The following USH2A variants were observed in gnomAD, a reference collection of about 807,000 sequenced individuals.
USH2A encodes the protein Usher syndrome 2A (autosomal recessive, mild).
In USH2A, 443 loss-of-function variants were observed where a neutral mutation model predicts 538.9. That is an observed-to-expected ratio of 0.82 (90% CI 0.76 to 0.89). USH2A has a LOEUF of 0.89. Among genes scored for constraint, USH2A ranks in the 40% least tolerant of loss-of-function variants. USH2A has a pLI of 0.00. For synonymous variants in USH2A, 2,413 were observed against 2,273.5 expected, an observed-to-expected ratio of 1.06 and a Z score of -1.75; for missense variants, 6,633 against 6,324.8, an observed-to-expected ratio of 1.05 and a Z score of -1.65.
intron 5 of USH2A, among the ~76,000 whole-genome samples, 193 bp from the exon 6 acceptor site, chr1:216,325,792 T>A (rs145864997): frequency 2.8e-4 from 42 of 152,304 alleles, no homozygotes; most frequent in African/African-American, 7.9e-4. Context: ...ATAAAATGTA[T>A]ATCAAAACCC....
At chr1:216,001,956 A>AATCC (rs1668273937) in intron 32 of USH2A, among the ~76,000 whole-genome samples, 4 of 152,206 alleles carry the variant, frequency 2.6e-5, no homozygotes, top group Admixed American at 2.6e-4. Flanking sequence ...ATCCTACAGG[A>AATCC]ATCCAATGGT....
intron 35 of USH2A, among the ~76,000 whole-genome samples, chr1:215,972,600 C>T (rs1046128283): frequency 6.6e-6 from 1 of 152,114 alleles, no homozygotes; most frequent in African/African-American, 2.4e-5. Flanking sequence ...TAGGACAATA[C>T]ATTCATTTAG....
chr1:215,805,984 C>CAAAAA, intron 49 of USH2A, among the ~76,000 whole-genome samples: 1 of 93,504 alleles, frequency 1.1e-5, no homozygotes, highest in Non-Finnish European at 2.5e-5. Context: ...AAGACACAAT[C>CAAAAA]AAAAAAAAAA....
At chr1:215,691,177 C>T (rs1658594288) in intron 61 of USH2A, among the ~76,000 whole-genome samples, 1 of 151,562 alleles carries the variant, frequency 6.6e-6, no homozygotes, top group South Asian at 2.1e-4. Context: ...CCACCGTGCC[C>T]AGCCAGTTAG....
chr1:215,674,725 T>C lies in USH2A; in HGVS notation c.13186A>G (p.Lys4396Glu). Reference protein sequence around the residue: ...ITKYLVRYDNKESLAGQGLCL... With the variant: ...ITKYLVRYDNEESLAGQGLCL... ...AGGCCCTGGCCAGCAAGGGACTCTTTATTATCATATCTAACTAAATATTTA... is the reference window on the plus strand; with the variant it reads ...AGGCCCTGGCCAGCAAGGGACTCTTCATTATCATATCTAACTAAATATTTA... Residue 4396 changes from lysine to glutamate, a missense_variant, in exon 63 of 72, where the codon AAA becomes GAA. Physicochemically the swap from Lys to Glu is moderately conservative, Grantham distance 56. Coordinates refer to ENST00000307340, the MANE Select transcript of USH2A (RefSeq NM_206933.4). 1.2e-6 allele frequency: 2 copies of C among 1,614,106 alleles called. No homozygotes were observed. The highest frequency in any genetic ancestry group is 1.7e-6 in the Non-Finnish European group (2 of 1,180,030).
chr1:216,012,856 C>A (rs1278102954), intron 32 of USH2A, among the ~76,000 whole-genome samples: 1 of 152,140 alleles, frequency 6.6e-6, no homozygotes, highest in African/African-American at 2.4e-5. Context: ...TCATTCCAGA[C>A]ACCAGACCAA....
At position 215,701,537 on chromosome 1, in the gene USH2A, T is replaced by C. The variant is rs1382675523; in HGVS notation, c.12067-21161A>G. On this transcript the variant is annotated intron_variant, in intron 61 of 71. Coordinates refer to ENST00000307340, the MANE Select transcript of USH2A (RefSeq NM_206933.4). ...TGCATATAGATTTAGGATAGTTAGCTCTTCTTGTTCCATTGATCCCTTTAC... is the reference window on the plus strand; with the variant it reads ...TGCATATAGATTTAGGATAGTTAGCCCTTCTTGTTCCATTGATCCCTTTAC... Among the ~76,000 whole-genome samples the C allele has an allele frequency of 3.3e-5, 5 of 152,348 alleles. No homozygotes were observed. The East Asian group carries it at 9.6e-4, about 29-fold the overall frequency.
chr1:215,782,003 T>C (rs528499412), intron 54 of USH2A, 39 bp downstream of exon 54: 4 of 1,613,224 alleles, frequency 2.5e-6, no homozygotes, highest in South Asian at 2.2e-5. Flanking sequence ...ATCTTCACAC[T>C]GAACCCCTTT....
chr1:215,629,216 C>T (rs982212306), intron 70 of USH2A, among the ~76,000 whole-genome samples, 181 bp from the exon 71 acceptor site: 20 of 152,168 alleles, frequency 1.3e-4, no homozygotes, highest in African/African-American at 4.6e-4. Context: ...ACCCACAACA[C>T]GGTGACCCTG....
Position 216,354,607 on chromosome 1 carries a change from A to G in USH2A, c.784+10346T>C, listed in dbSNP as rs185021015. ...AATTTAGAAATCAACAGTTTGCTAG[A>G]TGGGCTTAGCAGCAGCCTAGACACA... is the stretch of plus-strand genomic sequence containing the variant. On this transcript the variant is annotated intron_variant, in intron 4 of 71. Transcript: ENST00000307340. 3.5e-3 allele frequency among the ~76,000 whole-genome samples: 540 copies of G among 152,296 alleles called. 3 individuals are homozygous for G. Among genetic ancestry groups the G allele is most frequent in the African/African-American group, 0.012 (512 of 41,564 alleles).
chr1:215,849,617 A>G (rs1663965256), intron 44 of USH2A, among the ~76,000 whole-genome samples: 1 of 152,186 alleles, frequency 6.6e-6, no homozygotes, highest in Admixed American at 6.6e-5. Flanking sequence ...TATGTCTACA[A>G]ACTGAATAGA....
At chr1:216,075,805 A>G (rs1252993545) in intron 27 of USH2A, among the ~76,000 whole-genome samples, 2 of 152,136 alleles carry the variant, frequency 1.3e-5, no homozygotes, top group East Asian at 3.9e-4. Flanking sequence ...CAAAACAAGA[A>G]AGAAAATTAG....
intron 4 of USH2A, among the ~76,000 whole-genome samples, chr1:216,353,634 G>T (rs2038328359): frequency 6.6e-6 from 1 of 152,096 alleles, no homozygotes; most frequent in African/African-American, 2.4e-5. Flanking sequence ...TCAGTGACCA[G>T]CCATAGCTGA....
intron 21 of USH2A, among the ~76,000 whole-genome samples, chr1:216,135,464 C>T (rs554649170): frequency 1.4e-4 from 21 of 152,176 alleles, no homozygotes; most frequent in African/African-American, 5.1e-4. Context: ...TATTCAATTT[C>T]ACTCTTATAG....
chr1:215,746,181 G>GGTA (rs1660464334), intron 58 of USH2A, among the ~76,000 whole-genome samples: 1 of 152,010 alleles, frequency 6.6e-6, no homozygotes, highest in Non-Finnish European at 1.5e-5. Context: ...TTTCTTTATG[G>GGTA]GTACTCTGGA....
At chr1:215,716,141 G>A (rs1052272078) in intron 61 of USH2A, among the ~76,000 whole-genome samples, 4 of 149,542 alleles carry the variant, frequency 2.7e-5, no homozygotes, top group African/African-American at 9.9e-5. Context: ...GTATTAATAC[G>A]TCTCCCTTTG....
intron 13 of USH2A, among the ~76,000 whole-genome samples, chr1:216,242,511 C>T (rs951058919): frequency 2.6e-5 from 4 of 151,786 alleles, no homozygotes; most frequent in African/African-American, 9.7e-5. Flanking sequence ...TTAAAACAGG[C>T]ACTTATGATC....
At position 216,394,805 on chromosome 1, in the gene USH2A, G is replaced by A. The variant is rs186664869; in HGVS notation, c.651+23709C>T. On this transcript the variant is annotated intron_variant, in intron 3 of 71. Transcript: ENST00000307340. ...GCGATCTCCGCTCACTGCAAGCTCC[G>A]CCTCCCGGGTTCACGCCATTCTCCT... Among the ~76,000 whole-genome samples, 971 of 138,572 alleles carry A rather than the reference G, an allele frequency of 7.0e-3. 14 individuals are homozygous for A. Among genetic ancestry groups the A allele is most frequent in the African/African-American group, 0.024 (909 of 37,824 alleles). 90.9% of individuals were successfully genotyped at this position (138,572 alleles called of 152,430 possible).
intron 32 of USH2A, among the ~76,000 whole-genome samples, chr1:216,038,672 C>T (rs1270231260): frequency 6.6e-6 from 1 of 151,936 alleles, no homozygotes; most frequent in Non-Finnish European, 1.5e-5. Flanking sequence ...GATGTGTTTC[C>T]TTTGTAAATA....
Sources: gnomAD v4.1 joint callset for allele counts (sites outside exome capture counted in the v4.1 genomes callset) on GRCh38, gnomAD v4.1.1 for gene constraint, MANE v1.5 for transcripts, NCBI Gene and HGNC (gene_info 2026-07-23, HGNC 2026-07-21) for gene names.